Variants in TPRG1 observed in about 807,000 individuals in gnomAD.
The protein encoded by TPRG1 is tumor protein p63 regulated 1.
Under a neutral mutation model 29.3 loss-of-function variants are expected in TPRG1, and 29 were observed. The ratio of observed to expected loss-of-function variants is 0.99; its 90% CI spans 0.74 to 1.35. The LOEUF is 1.35. Among genes scored for constraint, TPRG1 ranks in the 40% most tolerant of loss-of-function variants. The pLI is 0.00. For synonymous variants in TPRG1, 130 were observed against 116.8 expected, an observed-to-expected ratio of 1.11 and a Z score of -0.73; for missense variants, 327 against 335.0, an observed-to-expected ratio of 0.98 and a Z score of 0.19.
intron 4 of TPRG1, chr3:189,267,825 C>T (rs1052644184): frequency 6.6e-6 from 1 of 152,150 alleles, no homozygotes. Flanking sequence ...TATAGCACAA[C>T]ATTAGTATAT....
chr3:189,156,271 C>T (rs933798480), intron 5 of TPRG1, among the ~76,000 whole-genome samples: 3 of 151,192 alleles, frequency 2.0e-5, no homozygotes, highest in Non-Finnish European at 2.9e-5. Context: ...TTCTAGAAGC[C>T]GAAAAAATCA....
At chr3:189,023,451 TA>T (rs1713485480) in intron 3 of TPRG1, among the ~76,000 whole-genome samples, 1 of 152,340 alleles carries the variant, frequency 6.6e-6, no homozygotes, top group South Asian at 2.1e-4. Flanking sequence ...CATGCTCCTT[TA>T]ACTTAGCGAA....
At chr3:189,008,598 T>C (rs1410608678) in intron 3 of TPRG1, among the ~76,000 whole-genome samples, 1 of 152,182 alleles carries the variant, frequency 6.6e-6, no homozygotes, top group Admixed American at 6.5e-5. Flanking sequence ...TTCATGCTTT[T>C]TTTTCCTTCC....
intron 2 of TPRG1, among the ~76,000 whole-genome samples, chr3:189,129,241 A>G (rs183804971): frequency 1.3e-5 from 2 of 151,994 alleles, no homozygotes; most frequent in Non-Finnish European, 2.9e-5. Flanking sequence ...CTTTTCTTTC[A>G]TGATTGTGAC....
chr3:189,198,776 A>G (rs1005681488), intron 1 of TPRG1, among the ~76,000 whole-genome samples: 1 of 152,196 alleles, frequency 6.6e-6, no homozygotes, highest in African/African-American at 2.4e-5. Flanking sequence ...TGATTACAGA[A>G]TAGTAGGATC....
At chr3:189,089,632 ATGG>A (rs1373213315) in intron 4 of TPRG1, among the ~76,000 whole-genome samples, 1 of 152,118 alleles carries the variant, frequency 6.6e-6, no homozygotes, top group Non-Finnish European at 1.5e-5. Flanking sequence ...AGAGCATCAC[ATGG>A]TGGGGAGGCT....
intron 1 of TPRG1, among the ~76,000 whole-genome samples, chr3:189,173,225 G>T (rs1030261506): frequency 3.9e-5 from 6 of 151,996 alleles, no homozygotes; most frequent in Admixed American, 3.9e-4. Context: ...GTGTCTGTTT[G>T]AGTTTATTAT....
chr3:189,094,024 A>G (rs911463681), intron 4 of TPRG1, among the ~76,000 whole-genome samples: 12 of 152,024 alleles, frequency 7.9e-5, no homozygotes, highest in African/African-American at 2.9e-4. Context: ...TTCAGTTTGT[A>G]ACTTGAATCT....
At chr3:189,314,524 G>T (rs34055812) in intron 5 of TPRG1, among the ~76,000 whole-genome samples, 8 of 151,894 alleles carry the variant, frequency 5.3e-5, no homozygotes, top group Non-Finnish European at 1.5e-5. Context: ...TTCCACATCT[G>T]GCAGATATGG....
chr3:189,281,022 G>A (rs1381893346), intron 4 of TPRG1, among the ~76,000 whole-genome samples: 1 of 152,172 alleles, frequency 6.6e-6, no homozygotes, highest in Non-Finnish European at 1.5e-5. Context: ...TCTTAGCCAT[G>A]ACTGTATGAC....
chr3:189,201,625 C>G (rs1733501520), intron 1 of TPRG1, among the ~76,000 whole-genome samples: 1 of 152,042 alleles, frequency 6.6e-6, no homozygotes, highest in Non-Finnish European at 1.5e-5. Context: ...GAAGTATGAT[C>G]CTTTTTGTTA....
At chr3:189,032,709 T>C (rs1332677737) in intron 4 of TPRG1, among the ~76,000 whole-genome samples, 3 of 151,226 alleles carry the variant, frequency 2.0e-5, no homozygotes, top group East Asian at 2.0e-4. Flanking sequence ...AACTCGTCAT[T>C]TAGCATTAGG....
chr3:189,035,563 A>G (rs1337350825), intron 4 of TPRG1, among the ~76,000 whole-genome samples: 1 of 152,162 alleles, frequency 6.6e-6, no homozygotes, highest in Non-Finnish European at 1.5e-5. Flanking sequence ...TCTAGAATCT[A>G]TAAGGAACTT....
chr3:189,182,034 C>T (rs561208390), intron 1 of TPRG1, among the ~76,000 whole-genome samples: 29 of 152,202 alleles, frequency 1.9e-4, no homozygotes, highest in Admixed American at 3.9e-4. Flanking sequence ...TCAGATCTCC[C>T]GAGACTTATT....
intron 4 of TPRG1, among the ~76,000 whole-genome samples, chr3:189,036,470 G>A (rs1714274249): frequency 6.6e-6 from 1 of 151,972 alleles, no homozygotes; most frequent in African/African-American, 2.4e-5. Context: ...AAAAGTTAAG[G>A]GAATGGACAC....
chr3:189,291,653 C>T (rs911897938), intron 4 of TPRG1, among the ~76,000 whole-genome samples: 9 of 152,196 alleles, frequency 5.9e-5, no homozygotes, highest in Admixed American at 2.0e-4. Context: ...TTTAACCCCA[C>T]GACAATTCTT....
chr3:189,041,260 G>C (rs570584566), intron 4 of TPRG1, among the ~76,000 whole-genome samples: 1 of 152,156 alleles, frequency 6.6e-6, no homozygotes, highest in Non-Finnish European at 1.5e-5. Flanking sequence ...TTCTCATGTA[G>C]CATGGTCATT....
intron 4 of TPRG1, among the ~76,000 whole-genome samples, chr3:189,038,324 C>A (rs1430709617): frequency 6.6e-6 from 1 of 151,952 alleles, no homozygotes; most frequent in Non-Finnish European, 1.5e-5. Context: ...AAAATAATGT[C>A]CTCTTTTACT....
At chr3:189,067,153 T>C (rs1333888201) in intron 4 of TPRG1, among the ~76,000 whole-genome samples, 2 of 152,044 alleles carry the variant, frequency 1.3e-5, no homozygotes, top group Non-Finnish European at 2.9e-5. Context: ...CTATAAAACA[T>C]TGATGCAAGA....
Sources: allele counts gnomAD v4.1 joint callset (sites outside exome capture counted in the v4.1 genomes callset), GRCh38; gene constraint gnomAD v4.1.1; transcripts MANE v1.5; gene names NCBI Gene and HGNC (gene_info 2026-07-23, HGNC 2026-07-21).